SMG8: variants seen among roughly 807,000 people sequenced by gnomAD.
SMG8 encodes the protein nonsense-mediated mRNA decay factor SMG8.
SMG8 carries 49 observed loss-of-function variants against 82.1 expected under a neutral mutation model. The ratio of observed to expected loss-of-function variants is 0.60; its 90% confidence interval spans 0.47 to 0.76. SMG8 has a LOEUF of 0.76. SMG8 is among the 30% of genes least tolerant of loss of function. The pLI is 0.00. For synonymous variants in SMG8, 404 were observed against 430.0 expected (o/e 0.94, Z 0.75); for missense variants, 969 against 1,166.4 (o/e 0.83, Z 2.46).
Position 59,210,389 on chromosome 17 carries a change from G to A in SMG8, c.338G>A (p.Gly113Glu). ...GCCGAGGACCCTGGGGCTGCAGCCG[G>A]GGGTTCAGTTCGGGGAAGTGGAGCT... ...GGAEDPGAAAGGSVRGSGAVA... is the reference protein window; with the variant it reads ...GGAEDPGAAAEGSVRGSGAVA... The change falls in exon 1 of 4, where the codon GGG becomes GAG. Residue 113 changes from glycine (G) to glutamate (E), a missense_variant. By Grantham distance (98) the Gly-to-Glu change is moderately conservative. Coordinates refer to ENST00000300917, the MANE Select transcript of SMG8 (RefSeq NM_018149.7). 6.2e-7 allele frequency: 1 copy of A among 1,610,912 alleles called. No individual in the cohort carries two copies. The highest frequency in any genetic ancestry group is 1.1e-5 in the South Asian group (1 of 90,716).
Position 59,210,823 on chromosome 17 carries a change from T to C in SMG8, c.772T>C (p.Cys258Arg). The C allele has an allele frequency of 6.2e-7, 1 of 1,614,192 alleles. No homozygotes were observed. Among genetic ancestry groups the C allele is most frequent in the Non-Finnish European group, 8.5e-7 (1 of 1,180,050 alleles). The change falls in exon 1 of 4, where the codon TGC becomes CGC. Residue 258 changes from cysteine to arginine, a missense_variant. Cys to Arg is a radical substitution (Grantham distance 180). Coordinates refer to ENST00000300917, the MANE Select transcript of SMG8 (RefSeq NM_018149.7). ...CPVGKDWKLN[C>R]RPCPPRLLFL... ...AGTTGGCAAAGACTGGAAGCTAAACTGCCGACCTTGCCCACCTAGACTCCT... is the reference window on the plus strand; with the variant it reads ...AGTTGGCAAAGACTGGAAGCTAAACCGCCGACCTTGCCCACCTAGACTCCT...
rs2046952165 is a variant in SMG8, at chr17:59,212,981, C to T, written c.2158C>T (p.Pro720Ser). The T allele has an allele frequency of 6.2e-7, 1 of 1,613,990 alleles. No individual in the cohort carries two copies. The highest frequency in any genetic ancestry group is 1.3e-5 in the African/African-American group (1 of 74,900). ...TGATCCACAAGCAGGAGGAGATAAT[C>T]CAGAAGTTCATGGTCAAGTAGAAGT... ...PADPQAGGDN[P>S]EVHGQVEVKT... is the part of the protein sequence containing the mutation. The change falls in exon 3 of 4, where the codon CCA becomes TCA. Residue 720 changes from proline to serine, a missense_variant. Pro to Ser is a moderately conservative substitution (Grantham distance 74). Coordinates refer to ENST00000300917, the MANE Select transcript of SMG8 (RefSeq NM_018149.7).
intron 1 of SMG8, 124 bp from the exon 2 acceptor site, chr17:59,212,216 TC>T (rs2046948723): frequency 1.4e-6 from 1 of 693,972 alleles, no homozygotes; most frequent in Non-Finnish European, 2.2e-6. Context: ...TTATATACTT[TC>T]ACTTGCTTCT....
chr17:59,210,048 C>A lies in SMG8; in HGVS notation c.-4C>A. The A allele has an allele frequency of 1.3e-6, 2 of 1,546,588 alleles. No homozygotes were observed. The highest frequency in any genetic ancestry group is 1.7e-6 in the Non-Finnish European group (2 of 1,154,146). On this transcript the variant is annotated 5_prime_UTR_variant, in exon 1 of 4. Coordinates refer to ENST00000300917, the MANE Select transcript of SMG8 (RefSeq NM_018149.7). ...CGGAAGGACTCTAGAGAACGCTCTG[C>A]ACTATGGCTGGTCCCGTGAGCTTGC...
At chr17:59,213,777 A>G (rs56327444) in intron 3 of SMG8, among the ~76,000 whole-genome samples, 176 bp downstream of exon 3, 7,110 of 152,266 alleles carry the variant, frequency 0.047, 283 homozygotes, top group Non-Finnish European at 0.071. Flanking sequence ...GCTTGAGCCC[A>G]GGAGTTTAAG....
chr17:59,210,047 G>A lies in SMG8; in HGVS notation c.-5G>A. 6.5e-7 allele frequency: 1 copy of A among 1,545,174 alleles called. No homozygotes were observed. Among genetic ancestry groups the A allele is most frequent in the Non-Finnish European group, 8.7e-7 (1 of 1,153,380 alleles). On this transcript the variant is annotated 5_prime_UTR_variant, in exon 1 of 4. Coordinates refer to ENST00000300917, the MANE Select transcript of SMG8 (RefSeq NM_018149.7). ...CCGGAAGGACTCTAGAGAACGCTCTGCACTATGGCTGGTCCCGTGAGCTTG... is the reference window on the plus strand; with the variant it reads ...CCGGAAGGACTCTAGAGAACGCTCTACACTATGGCTGGTCCCGTGAGCTTG...
At chr17:59,214,272 GA>G (rs2046957639) in intron 3 of SMG8, among the ~76,000 whole-genome samples, 3 of 151,604 alleles carry the variant, frequency 2.0e-5, no homozygotes, top group African/African-American at 7.3e-5. Context: ...GGGTGACTAA[GA>G]AAGACTCCAT....
Position 59,210,190 on chromosome 17 carries a change from A to C in SMG8, c.139A>C (p.Ile47Leu), listed in dbSNP as rs751443986. 1.2e-5 allele frequency: 19 copies of C among 1,598,956 alleles called. No homozygotes were observed. In the East Asian group the frequency reaches 3.8e-4, roughly 32 times the overall value. The stretch of plus-strand genomic sequence containing the variant: ...GGAGCCTCCATGGCGGGAGGATGAG[A>C]TCTGCGTTGTGGGAATCTTCGGCAA... Reference protein sequence around the residue: ...GPEPPWREDEICVVGIFGKTA... With the variant: ...GPEPPWREDELCVVGIFGKTA... Residue 47 changes from isoleucine (I) to leucine (L), a missense_variant, in exon 1 of 4, where the codon ATC becomes CTC. By Grantham distance (5) the Ile-to-Leu change is conservative (BLOSUM62 2). This residue lies in a region of SMG8 where 206 missense variants were observed against 190.5 expected (regional missense o/e 1.08). Coordinates refer to ENST00000300917, the MANE Select transcript of SMG8 (RefSeq NM_018149.7).
chr17:59,214,128 C>CA (rs1384878117), intron 3 of SMG8, among the ~76,000 whole-genome samples: 4 of 151,866 alleles, frequency 2.6e-5, no homozygotes, highest in Non-Finnish European at 4.4e-5. Flanking sequence ...ACTAAAAATA[C>CA]AAAAAATTAG....
chr17:59,212,706 A>AT (rs755042036), intron 2 of SMG8, 23 bp from the exon 3 acceptor site: 19 of 1,558,372 alleles, frequency 1.2e-5, no homozygotes, highest in African/African-American at 1.1e-4. Flanking sequence ...AACTTACTGG[A>AT]TTTTTTTTCT....
Position 59,213,345 on chromosome 17 carries a change from A to T in SMG8, c.2522A>T (p.Asp841Val). The T allele has an allele frequency of 6.2e-7, 1 of 1,614,228 alleles. No homozygotes were observed. The highest frequency in any genetic ancestry group is 1.1e-5 in the South Asian group (1 of 91,086). The change falls in exon 3 of 4, where the codon GAC becomes GTC. Residue 841 changes from aspartate to valine, a missense_variant. Physicochemically the swap from Asp to Val is radical, Grantham distance 152. Coordinates refer to ENST00000300917, the MANE Select transcript of SMG8 (RefSeq NM_018149.7). ...VVMGRGRRRDDIARAFVGFEY... is the reference protein window; with the variant it reads ...VVMGRGRRRDVIARAFVGFEY... ...ATGGGAAGAGGAAGACGGCGAGATG[A>T]CATAGCTCGAGCTTTTGTGGGCTTT...
At chr17:59,214,571 C>A (rs1009306180) in intron 3 of SMG8, among the ~76,000 whole-genome samples, 3 of 151,990 alleles carry the variant, frequency 2.0e-5, no homozygotes, top group African/African-American at 7.2e-5. Flanking sequence ...CCACACCTGA[C>A]TAATTTTTTG....
Position 59,211,155 on chromosome 17 carries a change from G to A in SMG8, c.1104G>A (p.Leu368=). ...CTGTGAAGGACCCGGAATCTTTGCT[G>A]GTGCCTGCACCCCTTTCTGGGCCTA... ...HCTVKDPESL[L]VPAPLSGPRR... Residue 368 remains leucine, a synonymous_variant, in exon 1 of 4, where the codon CTG becomes CTA. Coordinates refer to ENST00000300917, the MANE Select transcript of SMG8 (RefSeq NM_018149.7). The A allele has an allele frequency of 6.2e-7, 1 of 1,614,150 alleles. No individual in the cohort carries two copies. The highest frequency in any genetic ancestry group is 8.5e-7 in the Non-Finnish European group (1 of 1,179,994).
rs148545053 is a variant in SMG8 at position 59,213,095 on chromosome 17, G to A, written c.2272G>A (p.Gly758Ser). The A allele has an allele frequency of 2.5e-5, 40 of 1,614,056 alleles. No homozygotes were observed. The highest frequency in any genetic ancestry group is 3.2e-5 in the Non-Finnish European group (38 of 1,180,044). Residue 758 changes from glycine (G) to serine (S), a missense_variant, in exon 3 of 4, where the codon GGT (glycine) becomes AGT (serine). This residue lies in a region of SMG8 where 662 missense variants were observed against 884.8 expected (regional missense o/e 0.75). Transcript: ENST00000300917. ...CATGCTACATTCAAATTGCCCTAAA[G>A]GTCTCCTACCCAAATTCTCCAGCTG... is the stretch of plus-strand genomic sequence containing the variant. ...PGMLHSNCPKGLLPKFSSWSL... is the reference protein window; with the variant it reads ...PGMLHSNCPKSLLPKFSSWSL...
Position 59,214,860 on chromosome 17 carries a change from CCCTT to C in SMG8, c.2837_2840del (p.Leu946HisfsTer8), listed in dbSNP as rs2147865731. 1 of 873,002 alleles carries C rather than the reference CCCTT, an allele frequency of 1.1e-6. No individual in the cohort carries two copies. Among genetic ancestry groups the C allele is most frequent in the Non-Finnish European group, 2.0e-6 (1 of 501,682 alleles). 54.1% of individuals were successfully genotyped at this position (873,002 alleles called of 1,614,324 possible). On this transcript the variant is annotated frameshift_variant, in exon 4 of 4. Transcript: ENST00000300917. LOFTEE classifies it high-confidence loss of function. ...TTCTACCCAGAAAAACAAGAAATCA[CCCTT>C]CCACCTGATGGCCTTTGGGTTTTGA... is the stretch of plus-strand genomic sequence containing the variant.
chr17:59,212,485 A>G lies in SMG8; in HGVS notation c.1904A>G (p.Gln635Arg). Residue 635 changes from glutamine to arginine, a missense_variant and splice_region_variant, in exon 2 of 4, where the codon CAG becomes CGG. By Grantham distance (43) the Gln-to-Arg change is conservative (BLOSUM62 1). This residue lies in a region of SMG8 where 662 missense variants were observed against 884.8 expected (regional missense o/e 0.75). Transcript: ENST00000300917. ...DIKAANYDFY[Q>R]LLEEKCCGKL... is the part of the protein sequence containing the mutation. ...AAAGCAGCCAATTATGACTTCTATC[A>G]GGTAGACTCTGAATTTTTTCTTCTT... is the stretch of plus-strand genomic sequence containing the variant. The G allele has an allele frequency of 6.3e-7, 1 of 1,592,974 alleles. No individual in the cohort carries two copies. Among genetic ancestry groups the G allele is most frequent in the Non-Finnish European group, 8.6e-7 (1 of 1,165,954 alleles).
chr17:59,210,474 C>T lies in SMG8; in HGVS notation c.423C>T (p.Tyr141=). The change falls in exon 1 of 4, where the codon TAC becomes TAT. Residue 141 remains tyrosine (Y), a synonymous_variant. Transcript: ENST00000300917. ...AGGACTACAGCCTTCTGCAGGCCTA[C>T]TACAGTCAGGAAAGCAAAGTTCTGT... ...GSQDYSLLQA[Y]YSQESKVLYL... is the part of the protein sequence containing the mutation. 1.3e-6 allele frequency: 2 copies of T among 1,588,664 alleles called. No homozygotes were observed. The highest frequency in any genetic ancestry group is 2.3e-5 in the South Asian group (2 of 86,966).
chr17:59,214,728 C>G, intron 3 of SMG8, 77 bp from the exon 4 acceptor site: 1 of 804,534 alleles, frequency 1.2e-6, no homozygotes, highest in Admixed American at 1.9e-5. Context: ...TTGAACCTAT[C>G]GTCTGTTTAG....
rs755042036 is a variant in SMG8 at position 59,212,706 on chromosome 17, AT to A, written c.1906-15del. ...TTATTTAAAATGAAAAACTTACTGG[AT>A]TTTTTTTCTTACCCTCTATAGCTTC... is the stretch of plus-strand genomic sequence containing the variant. On this transcript the variant is annotated intron_variant, in intron 2 of 3. Coordinates refer to ENST00000300917, the MANE Select transcript of SMG8 (RefSeq NM_018149.7). 27 of 1,558,518 alleles carry A rather than the reference AT, an allele frequency of 1.7e-5. No individual in the cohort carries two copies. In the African/African-American group the frequency reaches 3.7e-4, roughly 22 times the overall value.
Sources: allele counts gnomAD v4.1 joint callset (sites outside exome capture counted in the v4.1 genomes callset), GRCh38; gene constraint gnomAD v4.1.1; regional missense constraint gnomAD v4.1.1; transcripts MANE v1.5; gene names NCBI Gene and HGNC (gene_info 2026-07-23, HGNC 2026-07-21).